Variants in PPFIA2 observed in about 807,000 individuals in gnomAD.
PPFIA2 encodes the protein PPFI scaffold protein A2.
PPFIA2 carries 46 observed loss-of-function variants against 175.5 expected under a neutral mutation model. The ratio of observed to expected loss-of-function variants is 0.26; its 90% CI spans 0.21 to 0.34. The LOEUF (loss-of-function observed/expected upper bound fraction) is 0.34. Among genes scored for constraint, PPFIA2 ranks in the 10% least tolerant of loss-of-function variants. PPFIA2 has a pLI of 1.00. For missense variants in PPFIA2, 1,179 were observed against 1,506.1 expected (o/e 0.78, Z 3.60); for synonymous variants, 568 against 511.4 (o/e 1.11, Z -1.49).
intron 4 of PPFIA2, among the ~76,000 whole-genome samples, chr12:81,469,824 G>A (rs2056419174): frequency 6.6e-6 from 1 of 152,178 alleles, no homozygotes; most frequent in Non-Finnish European, 1.5e-5. Context: ...AAATCATTAG[G>A]TTTAGATGAA....
chr12:81,661,047 GCACT>G (rs2068752428), intron 4 of PPFIA2, among the ~76,000 whole-genome samples: 1 of 152,144 alleles, frequency 6.6e-6, no homozygotes, highest in Admixed American at 6.5e-5. Context: ...CCTGAAGGAA[GCACT>G]AAACATGGAA....
At chr12:81,506,841 T>A (rs1372237816) in intron 4 of PPFIA2, among the ~76,000 whole-genome samples, 1 of 152,232 alleles carries the variant, frequency 6.6e-6, no homozygotes, top group Non-Finnish European at 1.5e-5. Context: ...GCAACACAGA[T>A]AATATGTATA....
At chr12:81,634,336 G>A (rs1007872805) in intron 4 of PPFIA2, among the ~76,000 whole-genome samples, 1 of 151,952 alleles carries the variant, frequency 6.6e-6, no homozygotes, top group African/African-American at 2.4e-5. Flanking sequence ...GTAATGAAAC[G>A]AGAATGATTT....
At chr12:81,551,787 G>A (rs2153370198) in intron 4 of PPFIA2, among the ~76,000 whole-genome samples, 1 of 151,916 alleles carries the variant, frequency 6.6e-6, no homozygotes, top group East Asian at 1.9e-4. Flanking sequence ...GCATATTTAT[G>A]TATCCTTTTA....
rs141795425 is a variant in PPFIA2, at chr12:81,746,839, G to A, written c.249+7134C>T. Among the ~76,000 whole-genome samples the A allele has an allele frequency of 5.0e-3, 714 of 143,222 alleles. 38 individuals are homozygous for A. The highest frequency in any genetic ancestry group is 0.016 in the African/African-American group (663 of 41,056). 94.0% of individuals were successfully genotyped at this position (143,222 alleles called of 152,430 possible). ...ATGGGTATGGGTAAGTGTGTGGGAG[G>A]AAAATAATGAGCATTGAAGGACAAC... On this transcript the variant is annotated intron_variant, in intron 3 of 32. Transcript: ENST00000549396.
intron 7 of PPFIA2, among the ~76,000 whole-genome samples, chr12:81,417,688 A>G (rs924511886): frequency 2.0e-5 from 3 of 151,816 alleles, no homozygotes; most frequent in African/African-American, 7.2e-5. Flanking sequence ...TGTTACATTT[A>G]TCTGTACCCA....
chr12:81,391,554 C>T (rs1200877422), intron 8 of PPFIA2, among the ~76,000 whole-genome samples: 1 of 151,908 alleles, frequency 6.6e-6, no homozygotes, highest in Non-Finnish European at 1.5e-5. Flanking sequence ...TCTGTCATCA[C>T]AAACCCGGTA....
intron 4 of PPFIA2, among the ~76,000 whole-genome samples, chr12:81,594,910 C>T (rs781686187): frequency 3.3e-5 from 5 of 151,852 alleles, no homozygotes; most frequent in Non-Finnish European, 5.9e-5. Flanking sequence ...GAGATGCTGT[C>T]TAAAAATAAA....
chr12:81,467,758 T>C (rs2055961392), intron 4 of PPFIA2, among the ~76,000 whole-genome samples: 1 of 152,154 alleles, frequency 6.6e-6, no homozygotes, highest in Admixed American at 6.6e-5. Context: ...GAGAACTTTT[T>C]AATGAACCCT....
intron 4 of PPFIA2, among the ~76,000 whole-genome samples, chr12:81,595,624 T>C (rs1158409632): frequency 6.6e-6 from 1 of 152,142 alleles, no homozygotes; most frequent in Non-Finnish European, 1.5e-5. Context: ...AAAAGGCATA[T>C]GTGTTTGCAC....
intron 4 of PPFIA2, among the ~76,000 whole-genome samples, chr12:81,474,933 G>A (rs1015360318): frequency 6.6e-6 from 1 of 152,126 alleles, no homozygotes; most frequent in Non-Finnish European, 1.5e-5. Flanking sequence ...CTAGATAGAT[G>A]TTGAAAATGT....
At chr12:81,581,175 G>GAAATCTA (rs2074351034) in intron 4 of PPFIA2, among the ~76,000 whole-genome samples, 2 of 149,850 alleles carry the variant, frequency 1.3e-5, no homozygotes, top group South Asian at 4.2e-4. Flanking sequence ...GGTCTTAAAG[G>GAAATCTA]AAATCTAAAA....
chr12:81,345,288 T>C (rs943164777), intron 18 of PPFIA2, among the ~76,000 whole-genome samples: 1 of 152,144 alleles, frequency 6.6e-6, no homozygotes, highest in African/African-American at 2.4e-5. Context: ...AGAATTATAT[T>C]AGGTGTTAAG....
intron 4 of PPFIA2, among the ~76,000 whole-genome samples, chr12:81,461,219 T>C (rs2054483350): frequency 6.6e-6 from 1 of 152,036 alleles, no homozygotes; most frequent in Non-Finnish European, 1.5e-5. Context: ...AGCTAACCAT[T>C]TTACATGAAT....
intron 4 of PPFIA2, among the ~76,000 whole-genome samples, chr12:81,647,924 T>G (rs2066422639): frequency 6.9e-6 from 1 of 144,508 alleles, no homozygotes; most frequent in Non-Finnish European, 1.5e-5. Context: ...AAAGAGGAAC[T>G]ATGATTAAAA....
At chr12:81,544,940 A>C (rs578092037) in intron 4 of PPFIA2, among the ~76,000 whole-genome samples, 3 of 152,314 alleles carry the variant, frequency 2.0e-5, no homozygotes, top group African/African-American at 4.8e-5. Context: ...AACTACAAAT[A>C]ATATAACACC....
At chr12:81,522,329 C>T (rs544448344) in intron 4 of PPFIA2, among the ~76,000 whole-genome samples, 1 of 152,118 alleles carries the variant, frequency 6.6e-6, no homozygotes, top group African/African-American at 2.4e-5. Context: ...TTTATAGATA[C>T]ACTACAATAT....
At chr12:81,660,641 G>A (rs988668562) in intron 4 of PPFIA2, among the ~76,000 whole-genome samples, 8 of 152,188 alleles carry the variant, frequency 5.3e-5, no homozygotes, top group Admixed American at 5.2e-4. Flanking sequence ...TTATCCAGGA[G>A]AACTTCCCCA....
intron 4 of PPFIA2, among the ~76,000 whole-genome samples, chr12:81,529,559 A>AAG (rs60373881): frequency 0.19 from 27,555 of 145,522 alleles, 2,596 homozygotes; most frequent in South Asian, 0.22. Context: ...GGGCAGTGGA[A>AAG]AGAGAGAGAG....
Sources: allele counts gnomAD v4.1 joint callset (sites outside exome capture counted in the v4.1 genomes callset), GRCh38; gene constraint gnomAD v4.1.1; transcripts MANE v1.5; gene names NCBI Gene and HGNC (gene_info 2026-07-23, HGNC 2026-07-21).